NIM1K: variants seen among roughly 807,000 people sequenced by gnomAD.
The protein encoded by NIM1K is NIM1 serine/threonine protein kinase, also known as serine/threonine-protein kinase NIM1.
In NIM1K, 35 loss-of-function variants were observed where a neutral mutation model predicts 37.1. The ratio of observed to expected loss-of-function variants is 0.94; its 90% confidence interval spans 0.72 to 1.25. The LOEUF (loss-of-function observed/expected upper bound fraction) is 1.25. Among genes scored for constraint, NIM1K ranks in the 50% most tolerant of loss-of-function variants. NIM1K has a pLI of 0.00. For synonymous variants in NIM1K, 234 were observed against 206.6 expected (o/e 1.13, Z -1.14); for missense variants, 564 against 548.0 (o/e 1.03, Z -0.29).
chr5:43,224,229 C>G (rs943052862), intron 1 of NIM1K, among the ~76,000 whole-genome samples: 9 of 151,966 alleles, frequency 5.9e-5, no homozygotes, highest in African/African-American at 2.2e-4. Context: ...ATACAAGAAC[C>G]TATGCGCTGT....
In NIM1K at chr5:43,260,784, G is replaced by A. The variant is rs147135109; in HGVS notation, c.292+14717G>A. Among the ~76,000 whole-genome samples the A allele has an allele frequency of 7.1e-3, 1,073 of 151,618 alleles. 17 individuals carry two copies. The highest frequency in any genetic ancestry group is 0.025 in the African/African-American group (1,023 of 41,384). On this transcript the variant is annotated intron_variant, in intron 2 of 3. Transcript: ENST00000326035. ...CCTTCCCCCACCCGACGACAGGCCC[G>A]GATGTGTGATGTTCCCCACCCTGTG... is the stretch of plus-strand genomic sequence containing the variant.
chr5:43,275,062 T>C (rs908212626), intron 2 of NIM1K, among the ~76,000 whole-genome samples: 9 of 152,244 alleles, frequency 5.9e-5, no homozygotes, highest in African/African-American at 1.9e-4. Flanking sequence ...ACAGTAAGTC[T>C]ATATTCATGA....
At chr5:43,278,592 G>A (rs1459347968) in intron 3 of NIM1K, among the ~76,000 whole-genome samples, 1 of 152,166 alleles carries the variant, frequency 6.6e-6, no homozygotes, top group East Asian at 1.9e-4. Context: ...GAGACACTTG[G>A]CTAGGGTCTA....
chr5:43,218,120 C>G (rs925386263), intron 1 of NIM1K, among the ~76,000 whole-genome samples: 5 of 152,110 alleles, frequency 3.3e-5, no homozygotes, highest in Non-Finnish European at 5.9e-5. Flanking sequence ...AAGTGATTCT[C>G]CTGTCTCAGC....
In NIM1K at chr5:43,280,486, G is replaced by A. The variant is rs747463737; in HGVS notation, c.1068G>A (p.Glu356=). 3 of 1,614,146 alleles carry A rather than the reference G, an allele frequency of 1.9e-6. No homozygotes were observed. Among genetic ancestry groups the A allele is most frequent in the Non-Finnish European group, 2.5e-6 (3 of 1,180,042 alleles). ...GCACTCTCAAGGAAGAAGAAAATGA[G>A]GTCAAAAGCACTTTAGAACATTTGG... ...ETSTLKEEEN[E]VKSTLEHLGI... Residue 356 remains glutamate (E), a synonymous_variant, in exon 4 of 4, where the codon GAG becomes GAA. Coordinates refer to ENST00000326035, the MANE Select transcript of NIM1K (RefSeq NM_153361.4).
chr5:43,271,829 CT>C (rs938265433), intron 2 of NIM1K, among the ~76,000 whole-genome samples: 7 of 152,194 alleles, frequency 4.6e-5, no homozygotes, highest in South Asian at 2.1e-4. Context: ...TCCTAACCCC[CT>C]ATACCCTGTC....
At chr5:43,198,201 T>TC (rs1751955692) in intron 1 of NIM1K, among the ~76,000 whole-genome samples, 5 of 54,814 alleles carry the variant, frequency 9.1e-5, no homozygotes, top group East Asian at 6.0e-4. Context: ...CTTTCTTTCT[T>TC]TCTTTCTCTT....
intron 1 of NIM1K, among the ~76,000 whole-genome samples, chr5:43,211,195 G>GGAAA: frequency 6.6e-6 from 1 of 151,988 alleles, no homozygotes; most frequent in South Asian, 2.1e-4. Flanking sequence ...AAAAGAAAGA[G>GGAAA]GAAAGAAAGA....
At chr5:43,247,157 C>G (rs1241442885) in intron 2 of NIM1K, among the ~76,000 whole-genome samples, 1 of 152,138 alleles carries the variant, frequency 6.6e-6, no homozygotes, top group Non-Finnish European at 1.5e-5. Flanking sequence ...CTCCCCACCG[C>G]AACTGACCCA....
intron 2 of NIM1K, among the ~76,000 whole-genome samples, chr5:43,258,426 A>G (rs10462048): frequency 0.46 from 69,318 of 151,632 alleles, 16,401 homozygotes; most frequent in East Asian, 0.78. Context: ...ACATTCTAGT[A>G]CAAGCGTTTT....
chr5:43,253,209 T>TATATAATATA (rs1169062253), intron 2 of NIM1K, among the ~76,000 whole-genome samples: 25 of 61,474 alleles, frequency 4.1e-4, no homozygotes, highest in East Asian at 2.6e-3. Flanking sequence ...TATAATATAA[T>TATATAATATA]ATATGTGTGT....
chr5:43,244,994 C>T (rs570061404), intron 1 of NIM1K, 88 bp from the exon 2 acceptor site: 2 of 152,196 alleles, frequency 1.3e-5, no homozygotes, highest in East Asian at 3.9e-4. Context: ...ACTTTTAGAT[C>T]AATGCTTACA....
chr5:43,257,144 T>C (rs1334029342), intron 2 of NIM1K, among the ~76,000 whole-genome samples: 2 of 151,624 alleles, frequency 1.3e-5, no homozygotes, highest in Non-Finnish European at 3.0e-5. Context: ...GAGTCTTAAA[T>C]GAAGTGACGA....
At chr5:43,268,114 A>C (rs777618370) in intron 2 of NIM1K, among the ~76,000 whole-genome samples, 1 of 152,140 alleles carries the variant, frequency 6.6e-6, no homozygotes, top group African/African-American at 2.4e-5. Flanking sequence ...TAATTGTTTT[A>C]TGAATTTTGG....
At chr5:43,237,286 G>T (rs908987041) in intron 1 of NIM1K, among the ~76,000 whole-genome samples, 7 of 152,182 alleles carry the variant, frequency 4.6e-5, no homozygotes, top group Non-Finnish European at 1.0e-4. Context: ...TCAAGAAAAT[G>T]AATTACCAAG....
chr5:43,224,299 C>A (rs965833581), intron 1 of NIM1K, among the ~76,000 whole-genome samples: 9 of 151,898 alleles, frequency 5.9e-5, no homozygotes, highest in African/African-American at 2.2e-4. Context: ...TTGCTTGGAC[C>A]CCTGAAGTAC....
chr5:43,200,292 T>C (rs541129939), intron 1 of NIM1K, among the ~76,000 whole-genome samples: 88 of 152,068 alleles, frequency 5.8e-4, no homozygotes, highest in African/African-American at 2.0e-3. Context: ...CATTAAGTAG[T>C]AGTTATTTTA....
At position 43,233,234 on chromosome 5, in the gene NIM1K, C is replaced by T. The variant is rs1360660357; in HGVS notation, c.-694-11848C>T. On this transcript the variant is annotated intron_variant, in intron 1 of 3. Transcript: ENST00000326035. ...GACAAGGAGAGATTGTTGCTTCTTACAGTGCGACTCTTAGGTGATTGATAT... is the reference window on the plus strand; with the variant it reads ...GACAAGGAGAGATTGTTGCTTCTTATAGTGCGACTCTTAGGTGATTGATAT... The T allele has an allele frequency of 7.7e-6, 6 of 782,544 alleles. No homozygotes were observed. The South Asian group carries it at 8.3e-5, about 11-fold the overall frequency. 48.5% of individuals were successfully genotyped at this position (782,544 alleles called of 1,614,324 possible). A position where few individuals can be genotyped will look rare whatever the true frequency, so the allele number is the denominator to read the frequency against.
intron 2 of NIM1K, among the ~76,000 whole-genome samples, chr5:43,275,113 G>A (rs1263477709): frequency 6.6e-6 from 1 of 152,140 alleles, no homozygotes; most frequent in Non-Finnish European, 1.5e-5. Context: ...TAAATTGAAA[G>A]GAAAACCATC....
Sources: gnomAD v4.1 joint callset for allele counts (sites outside exome capture counted in the v4.1 genomes callset) on GRCh38, gnomAD v4.1.1 for gene constraint, MANE v1.5 for transcripts, NCBI Gene and HGNC (gene_info 2026-07-23, HGNC 2026-07-21) for gene names.